Variants in ZNF425 observed in about 807,000 individuals in gnomAD.
ZNF425 encodes zinc finger protein 425.
In ZNF425, 21 loss-of-function variants were observed where a neutral mutation model predicts 17.0. That is an observed-to-expected ratio of 1.23 (90% CI 0.88 to 1.78). The LOEUF is 1.78. Ranked by LOEUF, ZNF425 falls within the 40% of genes most tolerant of loss-of-function variation. The pLI, the probability that ZNF425 is intolerant of heterozygous loss-of-function variation, is 0.00. For missense variants in ZNF425, 868 were observed against 967.3 expected, an observed-to-expected ratio of 0.90 and a Z score of 1.36; for synonymous variants, 433 against 384.1, an observed-to-expected ratio of 1.13 and a Z score of -1.49.
At chr7:149,119,895 CAAG>C (rs1019630469) in intron 1 of ZNF425, among the ~76,000 whole-genome samples, 16 of 152,010 alleles carry the variant, frequency 1.1e-4, no homozygotes, top group African/African-American at 3.6e-4. Flanking sequence ...GATTTATGTA[CAAG>C]AAGATGTGCA....
intron 1 of ZNF425, among the ~76,000 whole-genome samples, chr7:149,121,097 TTTTTTTTTTTTTTTG>T (rs1826343919): frequency 3.6e-5 from 2 of 55,536 alleles, no homozygotes; most frequent in African/African-American, 2.1e-4. Flanking sequence ...TTTTTTTTTT[TTTTTTTTTTTTTTTG>T]AGACGGAGTC....
rs779622176 is a variant in ZNF425, at chr7:149,104,035, A to G, written c.1836T>C (p.Cys612=). ...GGCGGAAAGTCTTCTCGCATTCAGG[A>G]CACTGGTAGGGCTTCTCTCCACTGT... is the stretch of plus-strand genomic sequence containing the variant. ...RLHSGEKPYQ[C]PECEKTFRLK... Residue 612 remains cysteine, a synonymous_variant, in exon 4 of 4, where the codon TGT becomes TGC. Transcript: ENST00000378061. The surrounding 1 kb of genome is among the most constrained non-coding windows in gnomAD (Gnocchi z 4.3). The G allele has an allele frequency of 6.2e-7, 1 of 1,613,728 alleles. No individual in the cohort carries two copies. Among genetic ancestry groups the G allele is most frequent in the East Asian group, 2.2e-5 (1 of 44,882 alleles).
Position 149,103,521 on chromosome 7 carries a change from C to G in ZNF425, c.*91G>C. ...GCGGGAGCCACTGTGCCCGATCTTA[C>G]CCTGTGAATCCTTCAACCTGCCTCA... On this transcript the variant is annotated 3_prime_UTR_variant, in exon 4 of 4. Transcript: ENST00000378061. 1.4e-6 allele frequency: 2 copies of G among 1,466,866 alleles called. No homozygotes were observed. Among genetic ancestry groups the G allele is most frequent in the Non-Finnish European group, 1.8e-6 (2 of 1,107,056 alleles). The allele number at this position is 1,466,866 out of a possible 1,614,324, so 90.9% of individuals were successfully genotyped here. A position where few individuals can be genotyped will look rare whatever the true frequency, so the allele number is the denominator to read the frequency against.
At position 149,105,262 on chromosome 7, in the gene ZNF425, C is replaced by CTTGG. The variant is rs1305663755; in HGVS notation, c.608_609insCCAA (p.Arg203SerfsTer49). 1 of 1,614,038 alleles carries CTTGG rather than the reference C, an allele frequency of 6.2e-7. No individual in the cohort carries two copies. Among genetic ancestry groups the CTTGG allele is most frequent in the Non-Finnish European group, 8.5e-7 (1 of 1,180,050 alleles). ...GGCTCCGTTTGTGCTTTAGCAAATC[C>CTTGG]CTCCTTACTTGGAAGACTTTCCTAC... On this transcript the variant is annotated frameshift_variant, in exon 4 of 4. Transcript: ENST00000378061. LOFTEE classifies it low-confidence loss of function (END_TRUNC).
At chr7:149,121,123 T>C (rs28783460) in intron 1 of ZNF425, among the ~76,000 whole-genome samples, 19,683 of 29,588 alleles carry the variant, frequency 0.67, 6,894 homozygotes, top group East Asian at 1. Flanking sequence ...AGACGGAGTC[T>C]CGCTCTGTCG....
Position 149,104,762 on chromosome 7 carries a change from T to C in ZNF425, c.1109A>G (p.Lys370Arg). 1.1e-5 allele frequency: 18 copies of C among 1,613,156 alleles called. No homozygotes were observed. The highest frequency in any genetic ancestry group is 1.4e-5 in the Non-Finnish European group (17 of 1,179,838). ...CPECGRSFSR[K>R]AALKTHQRTH... ...CCTCTGGTGGGTCTTCAGGGCAGCCTTCCGGGAGAAGCTCCGGCCACACTC... is the reference window on the plus strand; with the variant it reads ...CCTCTGGTGGGTCTTCAGGGCAGCCCTCCGGGAGAAGCTCCGGCCACACTC... The change falls in exon 4 of 4, where the codon AAG becomes AGG. Residue 370 changes from lysine to arginine, a missense_variant. Transcript: ENST00000378061. The surrounding 1 kb of genome is among the most constrained non-coding windows in gnomAD (Gnocchi z 4.3).
chr7:149,110,798 T>TC (rs981376953), intron 3 of ZNF425, among the ~76,000 whole-genome samples: 1 of 146,442 alleles, frequency 6.8e-6, no homozygotes, highest in African/African-American at 2.5e-5. Flanking sequence ...CCCTTGTTCT[T>TC]TTTTTTTTTT....
chr7:149,114,783 T>TAAAAA (rs75085279), intron 2 of ZNF425, among the ~76,000 whole-genome samples: 4 of 114,814 alleles, frequency 3.5e-5, no homozygotes, highest in East Asian at 2.5e-4. Flanking sequence ...ACACTGTGAG[T>TAAAAA]AAAAAAAAAA....
At chr7:149,116,022 A>G (rs1371064304) in intron 2 of ZNF425, among the ~76,000 whole-genome samples, 2 of 152,200 alleles carry the variant, frequency 1.3e-5, no homozygotes, top group Non-Finnish European at 2.9e-5. Flanking sequence ...GTTGAAGGAC[A>G]CTAATTGTGA....
chr7:149,111,617 A>AAAAAAAAAC (rs1826178410), intron 3 of ZNF425, among the ~76,000 whole-genome samples: 1 of 126,914 alleles, frequency 7.9e-6, no homozygotes, highest in Non-Finnish European at 1.7e-5. Flanking sequence ...AAAAAAAAAA[A>AAAAAAAAAC]AAAATTATAT....
chr7:149,109,833 G>A (rs1286263772), intron 3 of ZNF425, among the ~76,000 whole-genome samples: 1 of 151,680 alleles, frequency 6.6e-6, no homozygotes, highest in Non-Finnish European at 1.5e-5. Flanking sequence ...AATAGACAGT[G>A]TCAATGAAAT....
chr7:149,117,807 C>G (rs375338715), intron 2 of ZNF425, among the ~76,000 whole-genome samples: 2 of 151,942 alleles, frequency 1.3e-5, no homozygotes, highest in Non-Finnish European at 2.9e-5. Context: ...CATGCACCAA[C>G]ATGCCCAGCT....
At chr7:149,114,199 C>T (rs1483719842) in intron 2 of ZNF425, among the ~76,000 whole-genome samples, 2 of 149,138 alleles carry the variant, frequency 1.3e-5, no homozygotes, top group East Asian at 4.0e-4. Flanking sequence ...GGTGGGACTA[C>T]AGGGGTGCAA....
Position 149,122,173 on chromosome 7 carries a change from C to T in ZNF425, c.19-3825G>A, listed in dbSNP as rs181905912. On this transcript the variant is annotated intron_variant, in intron 1 of 3. Transcript: ENST00000378061. ...GTCTCGATCTCCTGACCTCGTGATC[C>T]GCCCACTCTCGGCCTCCCAAAGTGC... Among the ~76,000 whole-genome samples, 959 of 151,614 alleles carry T rather than the reference C, an allele frequency of 6.3e-3. 19 individuals carry two copies. The highest frequency in any genetic ancestry group is 0.041 in the Admixed American group (615 of 15,180).
Position 149,103,960 on chromosome 7 carries a change from T to A in ZNF425, c.1911A>T (p.Pro637=), listed in dbSNP as rs1400672622. The A allele has an allele frequency of 9.3e-6, 15 of 1,613,764 alleles. No individual in the cohort carries two copies. Among genetic ancestry groups the A allele is most frequent in the Non-Finnish European group, 1.2e-5 (14 of 1,179,992 alleles). The change falls in exon 4 of 4, where the codon CCA becomes CCT. Residue 637 remains proline (P), a synonymous_variant. Transcript: ENST00000378061. ...TTTTGCCGCACATCACACAAGAGAA[T>A]GGCTTTTGGCCACTGTGCTGCAGCA... ...SHLLQHSGQK[P]FSCVMCGKSF...
intron 3 of ZNF425, among the ~76,000 whole-genome samples, chr7:149,108,953 C>A (rs1826127024): frequency 6.6e-6 from 1 of 152,232 alleles, no homozygotes; most frequent in Middle Eastern, 3.4e-3. Context: ...AAACTTTCCA[C>A]CTTGGCAATC....
At position 149,103,824 on chromosome 7, in the gene ZNF425, C is replaced by A. The variant is rs1262136267; in HGVS notation, c.2047G>T (p.Val683Phe). Residue 683 changes from valine (V) to phenylalanine (F), a missense_variant, in exon 4 of 4, where the codon GTC becomes TTC. Transcript: ENST00000378061. Reference protein sequence around the residue: ...KSYCIRGSLKVHLYKHSGERP... With the variant: ...KSYCIRGSLKFHLYKHSGERP... ...TCTCCACTGTGCTTATACAAGTGGA[C>A]CTTCAAGCTGCCCCTGATGCAGTAG... 6.2e-7 allele frequency: 1 copy of A among 1,614,002 alleles called. No individual in the cohort carries two copies. The highest frequency in any genetic ancestry group is 8.5e-7 in the Non-Finnish European group (1 of 1,179,986).
At chr7:149,113,696 C>T (rs568886366) in intron 2 of ZNF425, among the ~76,000 whole-genome samples, 5 of 151,258 alleles carry the variant, frequency 3.3e-5, no homozygotes, top group African/African-American at 9.7e-5. Context: ...GGACTACAGG[C>T]GCCTGCCACC....
intron 1 of ZNF425, among the ~76,000 whole-genome samples, chr7:149,122,377 G>A (rs1209595759): frequency 2.6e-5 from 4 of 151,844 alleles, no homozygotes; most frequent in Non-Finnish European, 5.9e-5. Context: ...TCAGGCTCCG[G>A]AAGTGCTGGG....
Sources: allele counts gnomAD v4.1 joint callset (sites outside exome capture counted in the v4.1 genomes callset), GRCh38; gene constraint gnomAD v4.1.1; non-coding constraint Gnocchi (gnomAD v3.1); transcripts MANE v1.5; gene names NCBI Gene and HGNC (gene_info 2026-07-23, HGNC 2026-07-21).